The following ACIN1 variants were observed in gnomAD, a reference collection of about 807,000 sequenced individuals.
ACIN1 encodes the protein apoptotic chromatin condensation inducer in the nucleus.
Under a neutral mutation model 146.6 loss-of-function variants are expected in ACIN1, and 16 were observed. The ratio of observed to expected loss-of-function variants is 0.11; its 90% confidence interval spans 0.07 to 0.17. ACIN1 has a LOEUF of 0.17. ACIN1 is among the 10% of genes least tolerant of loss of function. ACIN1 has a pLI of 1.00. For missense variants in ACIN1, 1,357 were observed against 1,609.3 expected (o/e 0.84, Z 2.68); for synonymous variants, 569 against 582.7 (o/e 0.98, Z 0.34).
At chr14:23,089,790 G>A (rs185990475) in intron 4 of ACIN1, among the ~76,000 whole-genome samples, 192 bp downstream of exon 4, 2 of 152,250 alleles carry the variant, frequency 1.3e-5, no homozygotes, top group East Asian at 3.9e-4. Flanking sequence ...CACTGAGAAG[G>A]TAACACAATA....
chr14:23,094,879 T>G, intron 1 of ACIN1, 96 bp downstream of exon 1: 1 of 1,477,660 alleles, frequency 6.8e-7, no homozygotes, highest in Non-Finnish European at 9.0e-7. Context: ...CTGAGCGAGC[T>G]CGCGCCGAGC....
chr14:23,094,747 G>A, intron 1 of ACIN1: 1 of 725,548 alleles, frequency 1.4e-6, no homozygotes, highest in Non-Finnish European at 2.2e-6. Flanking sequence ...CTGGAGAGTA[G>A]TGCACACCCT....
At chr14:23,084,622 A>C (rs1050737243) in intron 4 of ACIN1, among the ~76,000 whole-genome samples, 2 of 151,748 alleles carry the variant, frequency 1.3e-5, no homozygotes. Context: ...AAAAGAAAAA[A>C]AAAAAAAAAA....
intron 9 of ACIN1, 61 bp downstream of exon 9, chr14:23,069,415 C>T: frequency 6.3e-7 from 1 of 1,579,730 alleles, no homozygotes; most frequent in Non-Finnish European, 8.6e-7. Flanking sequence ...CTAGAGTGCT[C>T]TACTCTTTCC....
intron 13 of ACIN1, 157 bp from the exon 14 acceptor site, chr14:23,063,231 G>C (rs2047343757): frequency 9.0e-7 from 1 of 1,109,406 alleles, no homozygotes; most frequent in South Asian, 1.6e-5. Context: ...ACTGTGCTAG[G>C]CTAACCTCCT....
In ACIN1 at chr14:23,078,889, G is replaced by C; in HGVS notation, c.1938C>G (p.Val646=). The C allele has an allele frequency of 6.2e-7, 1 of 1,613,992 alleles. No individual in the cohort carries two copies. Among genetic ancestry groups the C allele is most frequent in the Non-Finnish European group, 8.5e-7 (1 of 1,180,030 alleles). ...CAGGCTGACTCAGACGCCTTGCTTG[G>C]ACAGAGGATGAGGAGGTGGAAGTCC... is the stretch of plus-strand genomic sequence containing the variant. ...KERTSTSSSS[V]QARRLSQPES... is the part of the protein sequence containing the mutation. Residue 646 remains valine (V), a synonymous_variant, in exon 7 of 19, where the codon GTC becomes GTG. Transcript: ENST00000605057.
chr14:23,093,121 A>G (rs927721407), intron 2 of ACIN1, among the ~76,000 whole-genome samples: 2 of 152,250 alleles, frequency 1.3e-5, no homozygotes, highest in African/African-American at 2.4e-5. Context: ...CTACACTGCC[A>G]TATTGGTGAT....
At position 23,068,211 on chromosome 14, in the gene ACIN1, T is replaced by C. The variant is rs149778879; in HGVS notation, c.2265+1265A>G. 193 of 985,904 alleles carry C rather than the reference T, an allele frequency of 2.0e-4. 1 individual carries two copies. The East Asian group carries it at 0.019, about 96-fold the overall frequency. The allele number at this position is 985,904 out of a possible 1,614,324, so 61.1% of individuals were successfully genotyped here. On this transcript the variant is annotated intron_variant, in intron 9 of 18. Coordinates refer to ENST00000605057, the MANE Select transcript of ACIN1 (RefSeq NM_001386863.1). The surrounding 1 kb of genome is among the most constrained non-coding windows in gnomAD (Gnocchi z 4.3). ...AGCTTAAGTAGAGGGTCCCACTCAG[T>C]GTTTTACAGCATGGCACTGCGATCA...
In ACIN1 at chr14:23,069,484, TCTC is replaced by T. The variant is rs758211843; in HGVS notation, c.2254_2256del (p.Glu752del). 44 of 1,613,726 alleles carry T rather than the reference TCTC, an allele frequency of 2.7e-5. No individual in the cohort carries two copies. The highest frequency in any genetic ancestry group is 6.7e-5 in the Admixed American group (4 of 59,954). On this transcript the variant is annotated inframe_deletion, in exon 9 of 19. Transcript: ENST00000605057. ...GTGGCTTGGATGTTTACCTCTTTCT[TCTC>T]CTCATCTTCAACACTGCCCTCCGGG...
chr14:23,061,045 A>C (rs915268881), intron 18 of ACIN1, 39 bp downstream of exon 18: 9 of 1,586,912 alleles, frequency 5.7e-6, no homozygotes, highest in Middle Eastern at 4.0e-4. Flanking sequence ...CTCAAGCCTC[A>C]GTGCCACTAG....
In ACIN1 at chr14:23,090,106, A is replaced by T. The variant is rs2048190308; in HGVS notation, c.317-5T>A. 6.2e-7 allele frequency: 1 copy of T among 1,613,766 alleles called. No homozygotes were observed. The highest frequency in any genetic ancestry group is 8.5e-7 in the Non-Finnish European group (1 of 1,179,902). On this transcript the variant is annotated splice_region_variant and splice_polypyrimidine_tract_variant and intron_variant, in intron 3 of 18. Transcript: ENST00000605057. Reference sequence around the variant, plus strand: ...CCTCCGACTCAGCTGAAGCTTCTGCAAAGTACAGATCGGGTCGGGGCAGGG... The same window carrying T: ...CCTCCGACTCAGCTGAAGCTTCTGCTAAGTACAGATCGGGTCGGGGCAGGG...
intron 2 of ACIN1, among the ~76,000 whole-genome samples, chr14:23,091,722 C>CT (rs1173156799): frequency 6.6e-6 from 1 of 150,982 alleles, no homozygotes; most frequent in Non-Finnish European, 1.5e-5. Context: ...CTCCTGGGTT[C>CT]AAGACATTCT....
intron 8 of ACIN1, 31 bp from the exon 9 acceptor site, chr14:23,069,648 G>GGC: frequency 5.1e-6 from 3 of 589,376 alleles, no homozygotes; most frequent in Non-Finnish European, 9.6e-6. Flanking sequence ...TGGTGGGGGG[G>GGC]CGGGCAGAAA....
chr14:23,076,619 C>CA (rs1384327846), intron 8 of ACIN1: 1 of 152,184 alleles, frequency 6.6e-6, no homozygotes, highest in Non-Finnish European at 1.5e-5. Flanking sequence ...TTAAGGCTAG[C>CA]AAAGAGCTTT....
In ACIN1 at chr14:23,063,495, G is replaced by A. The variant is rs778694089; in HGVS notation, c.2678C>T (p.Pro893Leu). The A allele has an allele frequency of 1.2e-6, 2 of 1,614,152 alleles. No homozygotes were observed. Among genetic ancestry groups the A allele is most frequent in the Non-Finnish European group, 1.7e-6 (2 of 1,180,024 alleles). The change falls in exon 13 of 19, where the codon CCT (proline) becomes CTT (leucine). Residue 893 changes from proline to leucine, a missense_variant. Coordinates refer to ENST00000605057, the MANE Select transcript of ACIN1 (RefSeq NM_001386863.1). The part of the protein sequence containing the change: ...EKEPEAEPPV[P>L]PQVSVEVALP... The stretch of plus-strand genomic sequence containing the variant: ...GGCCACCTCTACTGACACCTGGGGA[G>A]GTACAGGAGGTTCTGCTTCAGGTTC...
At chr14:23,085,945 C>T (rs2048080308) in intron 4 of ACIN1, among the ~76,000 whole-genome samples, 1 of 152,186 alleles carries the variant, frequency 6.6e-6, no homozygotes, top group Admixed American at 6.5e-5. Context: ...AAGGAAAAGG[C>T]AGTTGCTAGA....
chr14:23,093,551 T>C lies in ACIN1; in HGVS notation c.139-7A>G. ...AATTTTCTAGCATTAGAGCCTGGTA[T>C]AGAGAAGGGTAAAAGTCAGAAATGA... On this transcript the variant is annotated splice_region_variant and splice_polypyrimidine_tract_variant and intron_variant, in intron 1 of 18. Transcript: ENST00000605057. 6.2e-7 allele frequency: 1 copy of C among 1,613,100 alleles called. No individual in the cohort carries two copies. The highest frequency in any genetic ancestry group is 2.2e-5 in the East Asian group (1 of 44,868).
intron 16 of ACIN1, 41 bp from the exon 17 acceptor site, chr14:23,061,663 G>A (rs2047285131): frequency 1.4e-6 from 2 of 1,471,630 alleles, no homozygotes; most frequent in South Asian, 1.4e-5. Context: ...GGATAGAGGT[G>A]ATATCACTCC....
Position 23,063,004 on chromosome 14 carries a change from A to G in ACIN1, c.2808T>C (p.Asp936=). The G allele has an allele frequency of 3.1e-6, 5 of 1,614,038 alleles. No homozygotes were observed. The highest frequency in any genetic ancestry group is 4.2e-6 in the Non-Finnish European group (5 of 1,179,988). Residue 936 remains aspartate, a synonymous_variant, in exon 14 of 19, where the codon GAT becomes GAC. Transcript: ENST00000605057. ...QQKSGVSITI[D]DPVRTAQVPS... ...GCACCTGGGCAGTTCGGACTGGGTC[A>G]TCAATGGTAATGGAAACTCCGGACT...
Sources: gnomAD v4.1 joint callset for allele counts (sites outside exome capture counted in the v4.1 genomes callset) on GRCh38, gnomAD v4.1.1 for gene constraint, Gnocchi (gnomAD v3.1) non-coding constraint, MANE v1.5 for transcripts, NCBI Gene and HGNC (gene_info 2026-07-23, HGNC 2026-07-21) for gene names.